Variants in IL1RAPL1 observed in about 807,000 individuals in gnomAD.
IL1RAPL1 encodes the protein interleukin 1 receptor accessory protein like 1.
IL1RAPL1 carries 3 observed loss-of-function variants against 48.4 expected under a neutral mutation model. That is an observed-to-expected ratio of 0.06 (90% CI 0.03 to 0.16). The LOEUF is 0.16. Ranked by LOEUF, IL1RAPL1 falls within the 10% of genes least tolerant of loss-of-function variation. IL1RAPL1 has a pLI of 1.00. For missense variants in IL1RAPL1, 349 were observed against 530.6 expected (o/e 0.66, Z 3.36); for synonymous variants, 185 against 187.7 (o/e 0.99, Z 0.12).
At chrX:29,751,529 G>A (rs1416118037) in intron 6 of IL1RAPL1, among the ~76,000 whole-genome samples, 1 of 111,545 alleles carries the variant, frequency 9.0e-6, no homozygotes, top group African/African-American at 3.3e-5. Context: ...CATAATACCT[G>A]AGGAAGAACA....
chrX:28,928,445 C>T (rs1030672958), intron 2 of IL1RAPL1, among the ~76,000 whole-genome samples: 2 of 111,672 alleles, frequency 1.8e-5, no homozygotes, highest in Non-Finnish European at 3.8e-5. Context: ...AACCCTAAGG[C>T]AAAGATCTGA....
At chrX:29,895,215 T>C (rs1419582236) in intron 6 of IL1RAPL1, among the ~76,000 whole-genome samples, 1 of 111,687 alleles carries the variant, frequency 9.0e-6, no homozygotes, top group Non-Finnish European at 1.9e-5. Context: ...AGGATAAGTC[T>C]TGTTCACTGA....
At chrX:29,556,647 CAAAA>C (rs11342018) in intron 5 of IL1RAPL1, among the ~76,000 whole-genome samples, 3 of 54,133 alleles carry the variant, frequency 5.5e-5, no homozygotes, top group African/African-American at 1.0e-4. Flanking sequence ...GACTCTGCCT[CAAAA>C]AAAAAAAAAA....
intron 2 of IL1RAPL1, among the ~76,000 whole-genome samples, chrX:29,093,325 G>T (rs1236780887): frequency 1.8e-5 from 2 of 110,316 alleles, no homozygotes; most frequent in Non-Finnish European, 3.8e-5. Flanking sequence ...CACATGGCCA[G>T]AGCAGGAGGA....
At chrX:29,190,698 A>G (rs1204111232) in intron 2 of IL1RAPL1, among the ~76,000 whole-genome samples, 3 of 112,354 alleles carry the variant, frequency 2.7e-5, no homozygotes, top group African/African-American at 6.5e-5. Flanking sequence ...AATTAGTACT[A>G]TCCTCCATAG....
intron 5 of IL1RAPL1, among the ~76,000 whole-genome samples, chrX:29,518,948 G>C (rs902116911): frequency 1.8e-5 from 2 of 112,142 alleles, no homozygotes; most frequent in African/African-American, 6.5e-5. Context: ...GAGATGGTGA[G>C]AAGTGCTAAT....
chrX:29,900,468 T>G (rs1932474475), intron 6 of IL1RAPL1, among the ~76,000 whole-genome samples: 1 of 111,953 alleles, frequency 8.9e-6, no homozygotes, highest in Non-Finnish European at 1.9e-5. Context: ...ACCTTCCATT[T>G]TGGCCCAACC....
chrX:29,128,926 G>A (rs1313070001), intron 2 of IL1RAPL1, among the ~76,000 whole-genome samples: 7 of 110,969 alleles, frequency 6.3e-5, no homozygotes, highest in African/African-American at 2.3e-4. Context: ...AATATGTTTG[G>A]TGTTCATCTA....
chrX:28,747,687 A>C (rs2146956174), intron 1 of IL1RAPL1, among the ~76,000 whole-genome samples: 1 of 112,220 alleles, frequency 8.9e-6, no homozygotes, highest in Admixed American at 9.5e-5. Context: ...TATATATAAT[A>C]TTCTTTGTGT....
chrX:29,109,752 C>T (rs1928524370), intron 2 of IL1RAPL1, among the ~76,000 whole-genome samples: 1 of 111,814 alleles, frequency 8.9e-6, no homozygotes, highest in South Asian at 3.7e-4. Flanking sequence ...TAGTTTATCT[C>T]TCACTGTCAA....
rs772031005 is a variant in IL1RAPL1 at position 29,955,993 on chromosome X, G to A, written c.*173G>A. ...TTTGGAATTTCTTTGTAGCATCAGTGTCCTCCTGTTTTACCATGTCTTTTA... is the reference window on the plus strand; with the variant it reads ...TTTGGAATTTCTTTGTAGCATCAGTATCCTCCTGTTTTACCATGTCTTTTA... On this transcript the variant is annotated 3_prime_UTR_variant, in exon 11 of 11. Coordinates refer to ENST00000378993, the MANE Select transcript of IL1RAPL1 (RefSeq NM_014271.4). 1.2e-4 allele frequency: 57 copies of A among 466,439 alleles called. No homozygotes were observed. In the East Asian group the frequency reaches 2.1e-3, roughly 17 times the overall value. 38.4% of individuals were successfully genotyped at this position (466,439 alleles called of 1,213,427 possible).
intron 6 of IL1RAPL1, among the ~76,000 whole-genome samples, chrX:29,705,212 C>G (rs1209523064): frequency 9.0e-6 from 1 of 111,663 alleles, no homozygotes; most frequent in Non-Finnish European, 1.9e-5. Flanking sequence ...TCTATTACTT[C>G]TTTTTTTGTT....
intron 6 of IL1RAPL1, among the ~76,000 whole-genome samples, chrX:29,833,625 G>T (rs1044577496): frequency 3.6e-5 from 4 of 111,214 alleles, no homozygotes; most frequent in Non-Finnish European, 7.6e-5. Context: ...CTTCAGAAAT[G>T]GTATGTTTTT....
chrX:29,639,920 A>G (rs1163373081), intron 5 of IL1RAPL1, among the ~76,000 whole-genome samples: 3 of 111,699 alleles, frequency 2.7e-5, no homozygotes, highest in African/African-American at 9.8e-5. Flanking sequence ...CTGAGCCAGA[A>G]GCATTTTTTA....
intron 5 of IL1RAPL1, among the ~76,000 whole-genome samples, chrX:29,470,334 T>A (rs1361586591): frequency 8.9e-6 from 1 of 111,914 alleles, no homozygotes; most frequent in African/African-American, 3.2e-5. Flanking sequence ...TTAAAGCTTT[T>A]CACTTCTAGC....
chrX:28,680,017 G>T (rs1024863049), intron 1 of IL1RAPL1, among the ~76,000 whole-genome samples: 1 of 111,592 alleles, frequency 9.0e-6, no homozygotes, highest in Non-Finnish European at 1.9e-5. Context: ...GATAGGGATT[G>T]CATTCAGTGT....
intron 2 of IL1RAPL1, among the ~76,000 whole-genome samples, chrX:29,166,643 A>G (rs1929791551): frequency 8.9e-6 from 1 of 112,050 alleles, no homozygotes; most frequent in South Asian, 3.7e-4. Context: ...ACTTAAAACC[A>G]TTTGGTAACT....
chrX:29,445,038 T>C (rs1934596908), intron 5 of IL1RAPL1, among the ~76,000 whole-genome samples: 2 of 112,579 alleles, frequency 1.8e-5, no homozygotes, highest in Non-Finnish European at 3.7e-5. Flanking sequence ...TGGGCTGAAG[T>C]TGTACATTTT....
chrX:28,850,278 C>T (rs1921624538), intron 2 of IL1RAPL1, among the ~76,000 whole-genome samples: 1 of 111,103 alleles, frequency 9.0e-6, no homozygotes, highest in South Asian at 3.8e-4. Flanking sequence ...CGAAAATGCC[C>T]TCTCACATCT....
Sources: gnomAD v4.1 joint callset for allele counts (sites outside exome capture counted in the v4.1 genomes callset) on GRCh38, gnomAD v4.1.1 for gene constraint, MANE v1.5 for transcripts, NCBI Gene and HGNC (gene_info 2026-07-23, HGNC 2026-07-21) for gene names.